Variants in RRAS2 observed in about 807,000 individuals in gnomAD.
The protein encoded by RRAS2 is ras-related protein R-Ras2.
A neutral mutation model predicts 27.6 loss-of-function variants in RRAS2; 7 were observed. The observed-to-expected ratio is 0.25, with a 90% confidence interval of 0.14 to 0.48. RRAS2 has a LOEUF of 0.48. RRAS2 is among the 20% of genes least tolerant of loss of function. The pLI, the probability that RRAS2 is intolerant of heterozygous loss-of-function variation, is 0.99. For synonymous variants in RRAS2, 86 were observed against 90.9 expected, an observed-to-expected ratio of 0.95 and a Z score of 0.31; for missense variants, 178 against 256.2, an observed-to-expected ratio of 0.69 and a Z score of 2.08.
chr11:14,326,641 A>C (rs533875972), intron 1 of RRAS2, among the ~76,000 whole-genome samples: 44 of 152,288 alleles, frequency 2.9e-4, no homozygotes, highest in Admixed American at 5.2e-4. Flanking sequence ...GTAAGAGCAA[A>C]ATGTTGTCCT....
At chr11:14,313,816 T>C (rs1564966768) in intron 1 of RRAS2, among the ~76,000 whole-genome samples, 4 of 152,210 alleles carry the variant, frequency 2.6e-5, no homozygotes, top group Admixed American at 2.0e-4. Flanking sequence ...TTTGGAGTTC[T>C]GACCTATGAA....
chr11:14,331,239 T>G (rs1848474393), intron 1 of RRAS2, among the ~76,000 whole-genome samples: 1 of 152,110 alleles, frequency 6.6e-6, no homozygotes, highest in Non-Finnish European at 1.5e-5. Context: ...CCATACAACT[T>G]AATAAAATAA....
intron 4 of RRAS2, among the ~76,000 whole-genome samples, chr11:14,287,735 G>A (rs1816305307): frequency 6.6e-6 from 1 of 152,042 alleles, no homozygotes; most frequent in Non-Finnish European, 1.5e-5. Context: ...AGCCGGGTGT[G>A]ATGGCACGGG....
chr11:14,314,548 A>C (rs555316709), intron 1 of RRAS2, among the ~76,000 whole-genome samples: 1 of 152,352 alleles, frequency 6.6e-6, no homozygotes, highest in South Asian at 2.1e-4. Flanking sequence ...TTTTCAAAAA[A>C]TAATTATCAA....
intron 1 of RRAS2, among the ~76,000 whole-genome samples, chr11:14,327,814 G>GA (rs11405333): frequency 0.92 from 139,648 of 152,096 alleles, 64,153 homozygotes; most frequent in East Asian, 0.96. Flanking sequence ...ACTCAATAGA[G>GA]AAAAAAAATT....
At chr11:14,280,282 T>C (rs964801019) in intron 5 of RRAS2, among the ~76,000 whole-genome samples, 2 of 151,772 alleles carry the variant, frequency 1.3e-5, no homozygotes, top group Non-Finnish European at 2.9e-5. Flanking sequence ...ACTCTTACCA[T>C]TAAAAAAAAA....
At chr11:14,291,298 A>C (rs1324613869) in intron 4 of RRAS2, among the ~76,000 whole-genome samples, 1 of 152,242 alleles carries the variant, frequency 6.6e-6, no homozygotes, top group African/African-American at 2.4e-5. Flanking sequence ...CCCAGTCAGC[A>C]CTAAAGGCCC....
chr11:14,303,652 A>T (rs1242248686), intron 1 of RRAS2, among the ~76,000 whole-genome samples: 1 of 152,202 alleles, frequency 6.6e-6, no homozygotes, highest in Non-Finnish European at 1.5e-5. Flanking sequence ...AACTGCAGTA[A>T]TCAATACTCA....
intron 4 of RRAS2, among the ~76,000 whole-genome samples, chr11:14,289,486 A>G (rs1334598245): frequency 6.6e-6 from 1 of 152,228 alleles, no homozygotes; most frequent in East Asian, 1.9e-4. Context: ...CTACTTTCAT[A>G]TTTTAGCAAA....
In RRAS2 at chr11:14,294,619, T is replaced by G. The variant is rs782340479; in HGVS notation, c.300-40A>C. 4.6e-6 allele frequency: 7 copies of G among 1,522,862 alleles called. No homozygotes were observed. In the Admixed American group the frequency reaches 1.4e-4, roughly 30 times the overall value. 94.3% of individuals were successfully genotyped at this position (1,522,862 alleles called of 1,614,324 possible). A position where few individuals can be genotyped will look rare whatever the true frequency, so the allele number is the denominator to read the frequency against. ...ATCAAAAACAAATTAATCAATTTGGTCAAGTATCAGAATTCAGCAAGTCTC... is the reference window on the plus strand; with the variant it reads ...ATCAAAAACAAATTAATCAATTTGGGCAAGTATCAGAATTCAGCAAGTCTC... On this transcript the variant is annotated intron_variant, in intron 3 of 5. Coordinates refer to ENST00000256196, the MANE Select transcript of RRAS2 (RefSeq NM_012250.6).
chr11:14,328,932 G>A (rs1449267827), intron 1 of RRAS2, among the ~76,000 whole-genome samples: 21 of 150,558 alleles, frequency 1.4e-4, no homozygotes, highest in African/African-American at 5.1e-4. Flanking sequence ...CCAAAGTGCT[G>A]GGATTACAAG....
Position 14,358,282 on chromosome 11 carries a change from C to T in RRAS2, c.108+481G>A, listed in dbSNP as rs551923972. ...TTGAAGCGGGCAGCTCCGGCTCAGG[C>T]GGCGCGGGGAAGCCCGGAGACCACG... On this transcript the variant is annotated intron_variant, in intron 1 of 5. Coordinates refer to ENST00000256196, the MANE Select transcript of RRAS2 (RefSeq NM_012250.6). The surrounding 1 kb of genome is among the most constrained non-coding windows in gnomAD (Gnocchi z 5.1). The T allele has an allele frequency of 1.1e-5, 11 of 985,508 alleles. No individual in the cohort carries two copies. In the South Asian group the frequency reaches 4.2e-4, roughly 38 times the overall value. The allele number at this position is 985,508 out of a possible 1,614,324, so 61.0% of individuals were successfully genotyped here.
chr11:14,286,737 T>C (rs948687682), intron 4 of RRAS2, among the ~76,000 whole-genome samples: 6 of 152,250 alleles, frequency 3.9e-5, no homozygotes, highest in Non-Finnish European at 8.8e-5. Flanking sequence ...AGGTTCTACA[T>C]AGCACTGGTA....
At chr11:14,305,573 T>C (rs1336673742) in intron 1 of RRAS2, among the ~76,000 whole-genome samples, 1 of 152,192 alleles carries the variant, frequency 6.6e-6, no homozygotes, top group Non-Finnish European at 1.5e-5. Flanking sequence ...TCCCTGGGTT[T>C]AGCCTTCTTC....
intron 4 of RRAS2, among the ~76,000 whole-genome samples, chr11:14,284,958 T>C (rs1346252991): frequency 6.6e-6 from 1 of 152,214 alleles, no homozygotes; most frequent in Non-Finnish European, 1.5e-5. Flanking sequence ...ATCTAACACA[T>C]CTGCCTTTTA....
chr11:14,349,754 G>A (rs1241973087), intron 1 of RRAS2, among the ~76,000 whole-genome samples: 2 of 152,018 alleles, frequency 1.3e-5, no homozygotes, highest in Admixed American at 1.3e-4. Context: ...TTTATCCTGA[G>A]GACAGAGTTC....
rs1197165418 is a variant in RRAS2, at chr11:14,341,673, T to C, written c.108+17090A>G. 4 of 273,316 alleles carry C rather than the reference T, an allele frequency of 1.5e-5. No homozygotes were observed. In the South Asian group the frequency reaches 1.5e-4, roughly 10 times the overall value. The allele number at this position is 273,316 out of a possible 1,614,324, so 16.9% of individuals were successfully genotyped here. On this transcript the variant is annotated intron_variant, in intron 1 of 5. Coordinates refer to ENST00000256196, the MANE Select transcript of RRAS2 (RefSeq NM_012250.6). The stretch of plus-strand genomic sequence containing the variant: ...CACTTGTGTCTCGTCAAACAAGTCA[T>C]GATACCTTTAACACCAAATTAACAG...
intron 1 of RRAS2, among the ~76,000 whole-genome samples, chr11:14,346,879 G>T (rs1203534272): frequency 6.6e-6 from 1 of 152,228 alleles, no homozygotes; most frequent in South Asian, 2.1e-4. Flanking sequence ...AAAAGGCCAG[G>T]CACAGTGGTT....
chr11:14,312,369 T>A (rs1305556767), intron 1 of RRAS2, among the ~76,000 whole-genome samples: 1 of 152,228 alleles, frequency 6.6e-6, no homozygotes, highest in African/African-American at 2.4e-5. Flanking sequence ...CAAGCTAGGA[T>A]ATGGTTCTGA....
Sources: gnomAD v4.1 joint callset for allele counts (sites outside exome capture counted in the v4.1 genomes callset) on GRCh38, gnomAD v4.1.1 for gene constraint, Gnocchi (gnomAD v3.1) non-coding constraint, MANE v1.5 for transcripts, NCBI Gene and HGNC (gene_info 2026-07-23, HGNC 2026-07-21) for gene names.